Variants in BRINP3 observed in about 807,000 individuals in gnomAD.
The protein encoded by BRINP3 is BMP/retinoic acid-inducible neural-specific protein 3.
In BRINP3, 19 loss-of-function variants were observed where a neutral mutation model predicts 71.0. The ratio of observed to expected loss-of-function variants is 0.27; its 90% CI spans 0.19 to 0.39. The LOEUF is 0.39. Among genes scored for constraint, BRINP3 ranks in the 10% least tolerant of loss-of-function variants. The probability of loss-of-function intolerance (pLI) is 1.00; values close to 1 mark genes in which losing one functional copy is unlikely to be tolerated. For missense variants in BRINP3, 959 were observed against 940.8 expected, an observed-to-expected ratio of 1.02 and a Z score of -0.25; for synonymous variants, 380 against 337.7, an observed-to-expected ratio of 1.13 and a Z score of -1.37.
intron 2 of BRINP3, among the ~76,000 whole-genome samples, chr1:190,282,436 G>A (rs932411663): frequency 6.6e-6 from 1 of 151,724 alleles, no homozygotes; most frequent in African/African-American, 2.4e-5. Context: ...AAATCAATCT[G>A]ATAATAAATT....
intron 7 of BRINP3, among the ~76,000 whole-genome samples, chr1:190,150,975 C>A (rs1290709651): frequency 6.6e-6 from 1 of 151,722 alleles, no homozygotes; most frequent in South Asian, 2.1e-4. Flanking sequence ...GAATAGAAAC[C>A]CTGTCTCTAC....
intron 1 of BRINP3, among the ~76,000 whole-genome samples, chr1:190,476,425 G>T (rs1348568509): frequency 2.6e-5 from 4 of 152,038 alleles, no homozygotes; most frequent in Admixed American, 2.0e-4. Context: ...TGCAGGTTTG[G>T]CATTTAATGA....
intron 5 of BRINP3, among the ~76,000 whole-genome samples, chr1:190,231,974 T>G (rs1190691616): frequency 6.6e-6 from 1 of 151,940 alleles, no homozygotes; most frequent in Non-Finnish European, 1.5e-5. Flanking sequence ...CAGAAGTTCT[T>G]TATTAAAAAA....
intron 2 of BRINP3, among the ~76,000 whole-genome samples, chr1:190,291,660 T>C (rs1040982635): frequency 2.0e-5 from 3 of 152,084 alleles, no homozygotes; most frequent in Non-Finnish European, 4.4e-5. Flanking sequence ...GTTAACAAAC[T>C]TTGGCAAGGA....
chr1:190,282,194 A>G (rs1663092393), intron 2 of BRINP3, among the ~76,000 whole-genome samples: 1 of 151,760 alleles, frequency 6.6e-6, no homozygotes, highest in Admixed American at 6.6e-5. Context: ...AAACCTCAGG[A>G]ATATTAAGGA....
At chr1:190,218,726 A>G (rs1656620113) in intron 6 of BRINP3, among the ~76,000 whole-genome samples, 1 of 147,004 alleles carries the variant, frequency 6.8e-6, no homozygotes, top group Admixed American at 6.9e-5. Context: ...TCACATCCTC[A>G]TACCTCCCCC....
At chr1:190,183,346 AT>A (rs1333738793) in intron 6 of BRINP3, among the ~76,000 whole-genome samples, 1 of 152,030 alleles carries the variant, frequency 6.6e-6, no homozygotes, top group Non-Finnish European at 1.5e-5. Context: ...AAATTTGGGA[AT>A]TTAAAATTCC....
chr1:190,307,258 GTTTTTTT>G (rs71123082), intron 2 of BRINP3, among the ~76,000 whole-genome samples: 2 of 52,632 alleles, frequency 3.8e-5, no homozygotes, highest in African/African-American at 1.5e-4. Context: ...TTAAAACATT[GTTTTTTT>G]TTTTTTTTTT....
intron 2 of BRINP3, among the ~76,000 whole-genome samples, chr1:190,323,354 AT>A (rs1666371457): frequency 2.6e-5 from 4 of 151,972 alleles, no homozygotes. Flanking sequence ...GCATACCAAA[AT>A]GATGACTTGA....
chr1:190,350,233 C>T (rs552992079), intron 2 of BRINP3, among the ~76,000 whole-genome samples: 28 of 152,098 alleles, frequency 1.8e-4, no homozygotes, highest in Non-Finnish European at 4.0e-4. Flanking sequence ...CTCTACAAAT[C>T]TCCTTAAATG....
At chr1:190,224,569 G>T (rs963930841) in intron 6 of BRINP3, among the ~76,000 whole-genome samples, 1 of 151,940 alleles carries the variant, frequency 6.6e-6, no homozygotes, top group East Asian at 1.9e-4. Context: ...ACATTGGTCT[G>T]GGCAAAGATT....
intron 2 of BRINP3, among the ~76,000 whole-genome samples, chr1:190,430,001 T>C (rs991489222): frequency 6.6e-5 from 10 of 152,186 alleles, no homozygotes; most frequent in African/African-American, 2.4e-4. Flanking sequence ...TCTTGTTACA[T>C]GAGATTCTAG....
chr1:190,203,232 C>A (rs1342203527), intron 6 of BRINP3, among the ~76,000 whole-genome samples: 1 of 151,876 alleles, frequency 6.6e-6, no homozygotes, highest in Non-Finnish European at 1.5e-5. Context: ...TATTATATGA[C>A]AACATAGTAC....
chr1:190,358,094 G>A (rs1013315066), intron 2 of BRINP3, among the ~76,000 whole-genome samples: 1 of 152,076 alleles, frequency 6.6e-6, no homozygotes, highest in Non-Finnish European at 1.5e-5. Flanking sequence ...CAGGACACAG[G>A]CATGGGCAAG....
intron 2 of BRINP3, among the ~76,000 whole-genome samples, chr1:190,297,911 G>T (rs1664377392): frequency 6.6e-6 from 1 of 151,784 alleles, no homozygotes; most frequent in African/African-American, 2.4e-5. Context: ...CTGGGAAATA[G>T]TCTGTAAAAT....
chr1:190,393,990 A>G (rs1443306042), intron 2 of BRINP3, among the ~76,000 whole-genome samples: 1 of 151,630 alleles, frequency 6.6e-6, no homozygotes, highest in African/African-American at 2.4e-5. Context: ...TTGAGAAATT[A>G]CAAACTTCCA....
At chr1:190,301,180 T>TATATGTATATATATACATATATAC (rs1166508458) in intron 2 of BRINP3, among the ~76,000 whole-genome samples, 2 of 117,070 alleles carry the variant, frequency 1.7e-5, no homozygotes, top group African/African-American at 6.3e-5. Flanking sequence ...TATATACATA[T>TATATGTATATATATACATATATAC]ATATATGTAT....
intron 6 of BRINP3, among the ~76,000 whole-genome samples, chr1:190,203,506 A>T (rs1265885836): frequency 6.7e-6 from 1 of 148,974 alleles, no homozygotes; most frequent in Non-Finnish European, 1.5e-5. Flanking sequence ...TATATCTTAC[A>T]ACTCCAATTG....
At chr1:190,313,671 T>C (rs1180464857) in intron 2 of BRINP3, among the ~76,000 whole-genome samples, 1 of 151,998 alleles carries the variant, frequency 6.6e-6, no homozygotes, top group Non-Finnish European at 1.5e-5. Context: ...GTCTGCATTA[T>C]CTTGTTTTAT....
Sources: gnomAD v4.1 joint callset for allele counts (sites outside exome capture counted in the v4.1 genomes callset) on GRCh38, gnomAD v4.1.1 for gene constraint, MANE v1.5 for transcripts, NCBI Gene and HGNC (gene_info 2026-07-23, HGNC 2026-07-21) for gene names.